The following RNF207 variants were observed in gnomAD, a reference collection of about 807,000 sequenced individuals.
RNF207 encodes the protein ring finger protein 207.
Under a neutral mutation model 79.0 loss-of-function variants are expected in RNF207, and 72 were observed. The ratio of observed to expected loss-of-function variants is 0.91; its 90% CI spans 0.75 to 1.11. RNF207 has a LOEUF of 1.11. Among genes scored for constraint, RNF207 ranks in the 50% least tolerant of loss-of-function variants. The pLI is 0.00. For missense variants in RNF207, 936 were observed against 855.8 expected, an observed-to-expected ratio of 1.09 and a Z score of -1.17; for synonymous variants, 348 against 366.2, an observed-to-expected ratio of 0.95 and a Z score of 0.57.
intron 16 of RNF207, 108 bp downstream of exon 16, chr1:6,213,291 T>C (rs1358323844): frequency 3.1e-6 from 2 of 649,480 alleles, no homozygotes; most frequent in African/African-American, 1.8e-5. Flanking sequence ...GAGGCTGAGG[T>C]GGGCGGATAA....
At position 6,206,707 on chromosome 1, in the gene RNF207, C is replaced by G. The variant is rs1183277331; in HGVS notation, c.172C>G (p.Leu58Val). The G allele has an allele frequency of 2.5e-6, 4 of 1,601,628 alleles. No individual in the cohort carries two copies. Among genetic ancestry groups the G allele is most frequent in the Non-Finnish European group, 3.4e-6 (4 of 1,179,454 alleles). Residue 58 changes from leucine to valine, a missense_variant, in exon 2 of 18, where the codon CTC (leucine) becomes GTC (valine). Transcript: ENST00000377939. ...CLRGRATDGRLTCPLCQHQTV... is the reference protein window; with the variant it reads ...CLRGRATDGRVTCPLCQHQTV... ...GCGTGGCCGCGCGACCGACGGCCGC[C>G]TCACCTGCCCGCTGTGCCAGTAAGT...
chr1:6,212,399 A>T lies in RNF207; in HGVS notation c.1465A>T (p.Arg489Trp). ...GGAGCACGCCTCCTTAGAGGGCATG[A>T]GGGTCGTCTTCCAGGAGGTAGCCCT... ...ASEHASLEGM[R>W]VVFQEIWEEA... Residue 489 changes from arginine (R) to tryptophan (W), a missense_variant, in exon 14 of 18, where the codon AGG (arginine) becomes TGG (tryptophan). Physicochemically the swap from Arg to Trp is moderately radical, Grantham distance 101. Transcript: ENST00000377939. The T allele has an allele frequency of 6.2e-7, 1 of 1,610,554 alleles. No homozygotes were observed. Among genetic ancestry groups the T allele is most frequent in the Non-Finnish European group, 8.5e-7 (1 of 1,178,450 alleles).
chr1:6,215,900 A>T (rs906864430), intron 16 of RNF207, among the ~76,000 whole-genome samples: 1 of 152,150 alleles, frequency 6.6e-6, no homozygotes, highest in Non-Finnish European at 1.5e-5. Context: ...GTATCTGCTC[A>T]TATTAGGAGT....
chr1:6,216,017 G>A (rs538624654), intron 16 of RNF207, among the ~76,000 whole-genome samples: 5 of 152,318 alleles, frequency 3.3e-5, no homozygotes, highest in African/African-American at 9.6e-5. Context: ...GGAATGCCCC[G>A]AGGTCAGTTT....
chr1:6,212,045 T>TCCTA lies in RNF207; in HGVS notation c.1291_1294dup (p.Arg432LeufsTer75). The TCCTA allele has an allele frequency of 6.3e-7, 1 of 1,597,344 alleles. No homozygotes were observed. Among genetic ancestry groups the TCCTA allele is most frequent in the Non-Finnish European group, 8.5e-7 (1 of 1,171,730 alleles). On this transcript the variant is annotated frameshift_variant, in exon 13 of 18. Transcript: ENST00000377939. LOFTEE classifies it high-confidence loss of function. ...AGAGCACTGCCGCCACTATGAGGAC[T>TCCTA]CCTACCGGGTGAGGGGGCAGGGATC...
intron 16 of RNF207, among the ~76,000 whole-genome samples, chr1:6,216,995 G>C (rs1668384022): frequency 6.6e-6 from 1 of 151,742 alleles, no homozygotes; most frequent in South Asian, 2.1e-4. Context: ...TCAGCCTCCT[G>C]GGTAGCTGTG....
At chr1:6,209,594 G>T (rs1310609232) in intron 7 of RNF207, 55 bp downstream of exon 7, 4 of 1,419,012 alleles carry the variant, frequency 2.8e-6, no homozygotes, top group African/African-American at 3.0e-5. Context: ...GTGACACAGG[G>T]CTGGTCCCTT....
At position 6,206,298 on chromosome 1, in the gene RNF207, A is replaced by G. The variant is rs974796862; in HGVS notation, c.-5A>G. 1.1e-5 allele frequency: 5 copies of G among 462,446 alleles called. No homozygotes were observed. The highest frequency in any genetic ancestry group is 1.9e-5 in the Non-Finnish European group (5 of 264,326). The allele number at this position is 462,446 out of a possible 1,614,324, so 28.6% of individuals were successfully genotyped here. ...CCGGTAGCTCCCAGCAAAGCGGCCC[A>G]GCGGGTAGGTACAAGGCCCCGCCCC... On this transcript the variant is annotated 5_prime_UTR_variant, in exon 1 of 18. Coordinates refer to ENST00000377939, the MANE Select transcript of RNF207 (RefSeq NM_207396.3).
chr1:6,216,448 C>G (rs1056421851), intron 16 of RNF207, among the ~76,000 whole-genome samples: 1 of 152,196 alleles, frequency 6.6e-6, no homozygotes. Flanking sequence ...TCCAGGTCTG[C>G]GAGTCCACTC....
Position 6,218,364 on chromosome 1 carries a change from A to G in RNF207, c.1728A>G (p.Ser576=), listed in dbSNP as rs754819119. The part of the protein sequence containing the change: ...THDDSRNNAA[S]ARNNPGSVPE... ...ACGACAGCAGGAACAACGCGGCCTC[A>G]GCCAGGTAAAGCAAGTCTCTCCACT... The change falls in exon 17 of 18, where the codon TCA becomes TCG. Residue 576 remains serine (S), a synonymous_variant. Transcript: ENST00000377939. 35 of 1,610,792 alleles carry G rather than the reference A, an allele frequency of 2.2e-5. No homozygotes were observed. The South Asian group carries it at 3.1e-4, about 14-fold the overall frequency.
rs1020564573 is a variant in RNF207, at chr1:6,209,015, C to G, written c.459C>G (p.Pro153=). Residue 153 remains proline, a synonymous_variant, in exon 4 of 18, where the codon CCC becomes CCG. Transcript: ENST00000377939. ...VALGQRSRDV[P]QKCTLHAEPY... ...TGGGTCAGCGAAGCCGCGACGTGCC[C>G]CAGAAGTGCAGTGAGTGAGGCTTGC... 1 of 1,541,254 alleles carries G rather than the reference C, an allele frequency of 6.5e-7. No homozygotes were observed. Among genetic ancestry groups the G allele is most frequent in the African/African-American group, 1.4e-5 (1 of 72,686 alleles).
In RNF207 at chr1:6,213,184, G is replaced by A; in HGVS notation, c.1652+1G>A. ...AGGTGAAGGAGCGGCTGGAGCCCAG[G>A]TGAGGCCAAGGGGGTGTTCCCAGGG... On this transcript the variant is annotated splice_donor_variant, in intron 16 of 17. Coordinates refer to ENST00000377939, the MANE Select transcript of RNF207 (RefSeq NM_207396.3). LOFTEE classifies it high-confidence loss of function. The A allele has an allele frequency of 1.3e-6, 2 of 1,599,094 alleles. No homozygotes were observed. The highest frequency in any genetic ancestry group is 1.7e-6 in the Non-Finnish European group (2 of 1,167,450).
chr1:6,210,364 C>A lies in RNF207; in HGVS notation c.874-6C>A. ...GCCAGGCACTGAGCAGCATCCCCTC[C>A]CCCAGGTCCACCTGGTCATCTGCTC... On this transcript the variant is annotated splice_region_variant and splice_polypyrimidine_tract_variant and intron_variant, in intron 9 of 17. Coordinates refer to ENST00000377939, the MANE Select transcript of RNF207 (RefSeq NM_207396.3). The A allele has an allele frequency of 6.2e-7, 1 of 1,612,740 alleles. No homozygotes were observed. The highest frequency in any genetic ancestry group is 8.5e-7 in the Non-Finnish European group (1 of 1,179,718).
In RNF207 at chr1:6,212,235, T is replaced by G. The variant is rs1668203084; in HGVS notation, c.1301T>G (p.Leu434Arg). The G allele has an allele frequency of 6.2e-7, 1 of 1,611,846 alleles. No individual in the cohort carries two copies. Among genetic ancestry groups the G allele is most frequent in the Non-Finnish European group, 8.5e-7 (1 of 1,178,914 alleles). ...CRHYEDSYRH[L>R]QAEMQSLKDQ... ...TCACACAGCCTCTCTGTGCAGCACC[T>G]GCAGGCAGAGATGCAGAGCCTAAAG... The change falls in exon 14 of 18, where the codon CTG becomes CGG. Residue 434 changes from leucine to arginine, a missense_variant. Physicochemically the swap from Leu to Arg is moderately radical, Grantham distance 102 (BLOSUM62 -2). Coordinates refer to ENST00000377939, the MANE Select transcript of RNF207 (RefSeq NM_207396.3).
In RNF207 at chr1:6,215,185, C is replaced by T. The variant is rs150027718; in HGVS notation, c.1652+2002C>T. On this transcript the variant is annotated intron_variant, in intron 16 of 17. Coordinates refer to ENST00000377939, the MANE Select transcript of RNF207 (RefSeq NM_207396.3). ...CTGGGATTACAGGCATGCGCCACCA[C>T]GCCCGGCTAATTTTGTATTTTTAGT... is the stretch of plus-strand genomic sequence containing the variant. Among the ~76,000 whole-genome samples, 806 of 152,080 alleles carry T rather than the reference C, an allele frequency of 5.3e-3. 9 individuals are homozygous for T. The highest frequency in any genetic ancestry group is 0.018 in the African/African-American group (749 of 41,460).
chr1:6,216,721 C>A (rs997088309), intron 16 of RNF207, among the ~76,000 whole-genome samples: 4 of 151,474 alleles, frequency 2.6e-5, no homozygotes, highest in Non-Finnish European at 5.9e-5. Context: ...CCACCACACC[C>A]GGCTGATTTT....
chr1:6,214,296 G>T (rs1571210795), intron 16 of RNF207, among the ~76,000 whole-genome samples: 1 of 152,096 alleles, frequency 6.6e-6, no homozygotes, highest in Non-Finnish European at 1.5e-5. Context: ...TTTGCTCCCA[G>T]TGTTCTGAGA....
rs1208098672 is a variant in RNF207, at chr1:6,207,088, C to G, written c.192-291C>G. 1.3e-5 allele frequency among the ~76,000 whole-genome samples: 2 copies of G among 152,168 alleles called. No homozygotes were observed. Among genetic ancestry groups the G allele is most frequent in the Admixed American group, 1.3e-4 (2 of 15,278 alleles). On this transcript the variant is annotated intron_variant, in intron 2 of 17. Transcript: ENST00000377939. The surrounding 1 kb of genome is among the most constrained non-coding windows in gnomAD (Gnocchi z 4.5). The stretch of plus-strand genomic sequence containing the variant: ...GTTTCAGTTATGTGGGCTCAAGGAA[C>G]CCAGGAGTGGCTCTGATTTGCCCAA...
rs1385952220 is a variant in RNF207, at chr1:6,212,718, C to T, written c.1519C>T (p.Gln507Ter). ...AGCCTATCAGCGAGTGGCTAATGAG[C>T]AGGAGATTTATGAAGGTTCCAGACA... ...EEAYQRVANE[Q>*]EIYEAQLHDL... Residue 507 changes from glutamine (Q) to a stop codon, truncating the protein, a stop_gained, in exon 15 of 18, where the codon CAG becomes TAG. Transcript: ENST00000377939. LOFTEE classifies it high-confidence loss of function. 1 of 1,613,610 alleles carries T rather than the reference C, an allele frequency of 6.2e-7. No homozygotes were observed. The highest frequency in any genetic ancestry group is 8.5e-7 in the Non-Finnish European group (1 of 1,179,652).
Sources: allele counts gnomAD v4.1 joint callset (sites outside exome capture counted in the v4.1 genomes callset), GRCh38; gene constraint gnomAD v4.1.1; non-coding constraint Gnocchi (gnomAD v3.1); transcripts MANE v1.5; gene names NCBI Gene and HGNC (gene_info 2026-07-23, HGNC 2026-07-21).